Variants in RIMS3 observed in about 807,000 individuals in gnomAD.
RIMS3 encodes the protein regulating synaptic membrane exocytosis protein 3.
In RIMS3, 15 loss-of-function variants were observed where a neutral mutation model predicts 29.2. The observed-to-expected ratio is 0.51, with a 90% CI of 0.34 to 0.79. The LOEUF (loss-of-function observed/expected upper bound fraction) is 0.79, where lower values mean the gene tolerates loss of function less well. Among genes scored for constraint, RIMS3 ranks in the 30% least tolerant of loss-of-function variants. The pLI, the probability that RIMS3 is intolerant of heterozygous loss-of-function variation, is 0.01. For synonymous variants in RIMS3, 161 were observed against 170.1 expected, an observed-to-expected ratio of 0.95 and a Z score of 0.41; for missense variants, 342 against 421.4, an observed-to-expected ratio of 0.81 and a Z score of 1.65.
intron 1 of RIMS3, among the ~76,000 whole-genome samples, chr1:40,663,434 C>T (rs1196630847): frequency 6.6e-6 from 1 of 152,126 alleles, no homozygotes; most frequent in East Asian, 1.9e-4. Flanking sequence ...AGAGTTCTCA[C>T]ATGGCACTAA....
chr1:40,677,532 A>C, the RIMS3 span, among the ~76,000 whole-genome samples: 1 of 151,638 alleles, frequency 6.6e-6, no homozygotes, highest in African/African-American at 2.4e-5. Flanking sequence ...CCCCGTCTTC[A>C]CTAAAAATAC....
At chr1:40,679,615 T>A in the RIMS3 span, among the ~76,000 whole-genome samples, 1 of 152,186 alleles carries the variant, frequency 6.6e-6, no homozygotes, top group Non-Finnish European at 1.5e-5. Flanking sequence ...ATTCATGTAT[T>A]TTCAGGAAGG....
At chr1:40,651,967 GATTA>G (rs1452576511) in intron 1 of RIMS3, among the ~76,000 whole-genome samples, 1 of 152,120 alleles carries the variant, frequency 6.6e-6, no homozygotes, top group Non-Finnish European at 1.5e-5. Context: ...CTTTTTTATT[GATTA>G]ATTGATTCCT....
the RIMS3 span, among the ~76,000 whole-genome samples, chr1:40,678,581 A>T: frequency 6.6e-6 from 1 of 152,202 alleles, no homozygotes; most frequent in Non-Finnish European, 1.5e-5. Context: ...CTCAGCCACA[A>T]CATGGAGTCA....
chr1:40,670,574 T>TTTTATATATATATATA (rs1453530876), upstream of RIMS3, among the ~76,000 whole-genome samples: 4 of 71,188 alleles, frequency 5.6e-5, no homozygotes, highest in African/African-American at 2.1e-4. Flanking sequence ...AGTTATAATT[T>TTTTATATATATATATA]TATATATATA....
At position 40,656,789 on chromosome 1, in the gene RIMS3, A is replaced by C. The variant is rs1209248635; in HGVS notation, c.-207+8605T>G. ...CAAGAGCGAAACTCCGTCTCAAAAA[A>C]AAAAAAAAAAAAAGACACACTAGAA... On this transcript the variant is annotated intron_variant, in intron 1 of 7. Transcript: ENST00000372684. Among the ~76,000 whole-genome samples, 3 of 151,994 alleles carry C rather than the reference A, an allele frequency of 2.0e-5. No homozygotes were observed. The East Asian group carries it at 5.8e-4, about 29-fold the overall frequency.
the RIMS3 span, among the ~76,000 whole-genome samples, chr1:40,671,764 T>G: frequency 6.7e-6 from 1 of 149,816 alleles, no homozygotes; most frequent in African/African-American, 2.5e-5. Context: ...TTTCTTTTTT[T>G]TTTTTTTTTT....
rs944787760 is a variant in RIMS3, at chr1:40,636,941, C to T, written c.218-884G>A. 3.9e-5 allele frequency among the ~76,000 whole-genome samples: 6 copies of T among 152,152 alleles called. No homozygotes were observed. The highest frequency in any genetic ancestry group is 7.3e-5 in the Non-Finnish European group (5 of 68,028). On this transcript the variant is annotated intron_variant, in intron 3 of 7. Transcript: ENST00000372684. This position sits in a 1 kb window ranked among gnomAD's most constrained non-coding sequence, Gnocchi z 4.2. Reference sequence around the variant, plus strand: ...CCCTCTAGACACCCTCTCCTCCTGGCGGGGGGCGGATGGGGGAGATGGCCT... The same window carrying T: ...CCCTCTAGACACCCTCTCCTCCTGGTGGGGGGCGGATGGGGGAGATGGCCT...
the RIMS3 span, among the ~76,000 whole-genome samples, chr1:40,683,780 T>C: frequency 6.6e-6 from 1 of 152,262 alleles, no homozygotes; most frequent in Non-Finnish European, 1.5e-5. Flanking sequence ...TTTCTACCAC[T>C]GCAGAAAGCT....
upstream of RIMS3, among the ~76,000 whole-genome samples, chr1:40,666,935 G>T (rs1027748828): frequency 6.6e-6 from 1 of 152,170 alleles, no homozygotes; most frequent in Non-Finnish European, 1.5e-5. Context: ...TGAGGTACGA[G>T]AATCACTTGA....
At chr1:40,640,250 T>G (rs1646547385) in intron 3 of RIMS3, among the ~76,000 whole-genome samples, 4 of 152,102 alleles carry the variant, frequency 2.6e-5, no homozygotes, top group Admixed American at 2.6e-4. Context: ...TCTAGATCCC[T>G]AAGTCCCCAT....
rs1646429946 is a variant in RIMS3 at position 40,622,673 on chromosome 1, C to T, written c.*3844G>A. ...TCCAGCCAGGTGGAGGGCAACTCAT[C>T]TACAACATCAAGCAAAGGCAGCAAT... is the stretch of plus-strand genomic sequence containing the variant. On this transcript the variant is annotated 3_prime_UTR_variant, in exon 8 of 8. Transcript: ENST00000372684. The T allele has an allele frequency of 6.5e-6, 1 of 152,704 alleles. No individual in the cohort carries two copies. The highest frequency in any genetic ancestry group is 1.9e-4 in the East Asian group (1 of 5,198). 9.5% of individuals were successfully genotyped at this position (152,704 alleles called of 1,614,324 possible).
intron 2 of RIMS3, 63 bp from the exon 3 acceptor site, chr1:40,642,019 A>C: frequency 9.7e-7 from 1 of 1,034,584 alleles, no homozygotes; most frequent in Non-Finnish European, 1.5e-6. Context: ...CTGCAGTCCC[A>C]CCACTTCCTA....
At chr1:40,671,756 T>TC in the RIMS3 span, among the ~76,000 whole-genome samples, 4 of 149,096 alleles carry the variant, frequency 2.7e-5, no homozygotes, top group African/African-American at 1.0e-4. Flanking sequence ...TCCTTTCTTT[T>TC]CTTTTTTTTT....
the RIMS3 span, among the ~76,000 whole-genome samples, chr1:40,675,865 T>C: frequency 2.0e-5 from 3 of 150,870 alleles, no homozygotes; most frequent in Non-Finnish European, 4.4e-5. Context: ...GATGCAGAGG[T>C]TGCAGTGAGT....
intron 3 of RIMS3, among the ~76,000 whole-genome samples, chr1:40,639,819 A>G (rs1257927778): frequency 6.6e-6 from 1 of 152,092 alleles, no homozygotes; most frequent in Non-Finnish European, 1.5e-5. Flanking sequence ...TTCAGCAATT[A>G]GCTGATTCAC....
chr1:40,647,216 G>C (rs1329906507), intron 2 of RIMS3, among the ~76,000 whole-genome samples: 3 of 152,132 alleles, frequency 2.0e-5, no homozygotes, highest in Admixed American at 2.0e-4. Context: ...CCGCACAAAA[G>C]CTCAAGATGA....
Position 40,625,020 on chromosome 1 carries a change from TG to T in RIMS3, c.*1496del, listed in dbSNP as rs1646445058. 6.6e-6 allele frequency: 1 copy of T among 152,478 alleles called. No individual in the cohort carries two copies. The allele number at this position is 152,478 out of a possible 1,614,324, so 9.4% of individuals were successfully genotyped here. On this transcript the variant is annotated 3_prime_UTR_variant, in exon 8 of 8. Coordinates refer to ENST00000372684, the MANE Select transcript of RIMS3 (RefSeq NM_014747.3). Reference sequence around the variant, plus strand: ...CAAGGGCTGCTCTGTCCATGTCCTGTGCAACCTCTCGCCTTTCACCCTAGAG... The same window carrying T: ...CAAGGGCTGCTCTGTCCATGTCCTGTCAACCTCTCGCCTTTCACCCTAGAG...
chr1:40,670,568 A>G (rs1642478531), upstream of RIMS3, among the ~76,000 whole-genome samples: 1 of 106,652 alleles, frequency 9.4e-6, no homozygotes, highest in South Asian at 3.0e-4. Flanking sequence ...AGTGTTAGTT[A>G]TAATTTTATA....
Sources: gnomAD v4.1 joint callset for allele counts (sites outside exome capture counted in the v4.1 genomes callset) on GRCh38, gnomAD v4.1.1 for gene constraint, Gnocchi (gnomAD v3.1) non-coding constraint, MANE v1.5 for transcripts, NCBI Gene and HGNC (gene_info 2026-07-23, HGNC 2026-07-21) for gene names.